ZC3H13: variants seen among roughly 807,000 people sequenced by gnomAD.
ZC3H13 encodes zinc finger CCCH-type containing 13.
In ZC3H13, 64 loss-of-function variants were observed where a neutral mutation model predicts 204.1. The ratio of observed to expected loss-of-function variants is 0.31; its 90% CI spans 0.26 to 0.39. ZC3H13 has a LOEUF of 0.39. ZC3H13 is among the 10% of genes least tolerant of loss of function. The pLI is 1.00. For missense variants in ZC3H13, 1,833 were observed against 2,082.7 expected (o/e 0.88, Z 2.33); for synonymous variants, 667 against 693.7 (o/e 0.96, Z 0.60).
At chr13:45,997,407 G>A (rs757631633) in intron 8 of ZC3H13, among the ~76,000 whole-genome samples, 1 of 152,008 alleles carries the variant, frequency 6.6e-6, no homozygotes, top group Non-Finnish European at 1.5e-5. Flanking sequence ...TTTGGAGAAG[G>A]GAAAATCATG....
chr13:46,051,875 A>G (rs2044452721), intron 1 of ZC3H13: 1 of 150,974 alleles, frequency 6.6e-6, no homozygotes, highest in Non-Finnish European at 1.5e-5. Context: ...CGCCAAACAG[A>G]CTCTCTTCTT....
intron 4 of ZC3H13, among the ~76,000 whole-genome samples, chr13:46,038,345 G>A (rs539131484): frequency 6.6e-6 from 1 of 152,238 alleles, no homozygotes; most frequent in East Asian, 1.9e-4. Flanking sequence ...TCCCTGAAGA[G>A]GTCCCTGGTT....
chr13:46,006,497 T>C (rs1388359764), intron 7 of ZC3H13, among the ~76,000 whole-genome samples: 1 of 151,656 alleles, frequency 6.6e-6, no homozygotes, highest in East Asian at 1.9e-4. Context: ...TGTTCCTGTT[T>C]ACTGTATTAA....
In ZC3H13 at chr13:45,977,002, C is replaced by G. The variant is rs577925961; in HGVS notation, c.1913-1164G>C. Among the ~76,000 whole-genome samples the G allele has an allele frequency of 3.3e-5, 5 of 152,094 alleles. No individual in the cohort carries two copies. In the South Asian group the frequency reaches 1.0e-3, roughly 32 times the overall value. The stretch of plus-strand genomic sequence containing the variant: ...CTTTACTATTTTAGAGGTTATAGAC[C>G]CAGATACAAATGATCATAGCATTTT... On this transcript the variant is annotated intron_variant, in intron 11 of 18. Transcript: ENST00000679008.
chr13:46,037,370 T>C (rs1344643485), intron 4 of ZC3H13, among the ~76,000 whole-genome samples: 2 of 152,196 alleles, frequency 1.3e-5, no homozygotes, highest in East Asian at 3.8e-4. Flanking sequence ...TGACAAATTA[T>C]CTAATTCTTT....
At chr13:46,048,369 A>G (rs1238696072) in intron 1 of ZC3H13, among the ~76,000 whole-genome samples, 1 of 151,924 alleles carries the variant, frequency 6.6e-6, no homozygotes, top group Non-Finnish European at 1.5e-5. Context: ...CGAAGTCAGG[A>G]GATCGAGACC....
chr13:45,987,105 T>C (rs1177511017), intron 9 of ZC3H13, among the ~76,000 whole-genome samples: 2 of 152,218 alleles, frequency 1.3e-5, no homozygotes, highest in Non-Finnish European at 2.9e-5. Context: ...CGCCCATCTG[T>C]CTTTACAAAT....
In ZC3H13 at chr13:45,969,632, T is replaced by C; in HGVS notation, c.2912A>G (p.Lys971Arg). 7 of 1,609,688 alleles carry C rather than the reference T, an allele frequency of 4.3e-6. No homozygotes were observed. Among genetic ancestry groups the C allele is most frequent in the Non-Finnish European group, 5.9e-6 (7 of 1,179,112 alleles). The part of the protein sequence containing the change: ...KIQKKPIKKK[K>R]EDDVGIERGN... ...CCTCTCTATTCCAACATCATCCTCT[T>C]TCTTTTTCTTAATTGGTTTCTTTTG... is the stretch of plus-strand genomic sequence containing the variant. The change falls in exon 14 of 19, where the codon AAA becomes AGA. Residue 971 changes from lysine (K) to arginine (R), a missense_variant. By Grantham distance (26) the Lys-to-Arg change is conservative. This residue lies in a region of ZC3H13 where 1,574 missense variants were observed against 1,757.2 expected (regional missense o/e 0.90). Transcript: ENST00000679008.
intron 4 of ZC3H13, among the ~76,000 whole-genome samples, chr13:46,029,982 T>C (rs1256936432): frequency 6.6e-6 from 1 of 152,100 alleles, no homozygotes; most frequent in Non-Finnish European, 1.5e-5. Flanking sequence ...ATTTTAAAAG[T>C]CAAACTTAAT....
intron 11 of ZC3H13, among the ~76,000 whole-genome samples, chr13:45,977,542 T>C (rs978523631): frequency 2.0e-5 from 3 of 152,190 alleles, no homozygotes; most frequent in African/African-American, 7.2e-5. Context: ...GATGTGCTTC[T>C]ACTTACATAT....
intron 15 of ZC3H13, among the ~76,000 whole-genome samples, chr13:45,967,282 C>T (rs1176459719): frequency 1.3e-5 from 2 of 151,994 alleles, no homozygotes; most frequent in African/African-American, 2.4e-5. Flanking sequence ...TTTATGTGAA[C>T]CAAATCTGCC....
intron 5 of ZC3H13, among the ~76,000 whole-genome samples, chr13:46,016,771 C>T (rs2041934438): frequency 6.6e-6 from 1 of 152,018 alleles, no homozygotes; most frequent in African/African-American, 2.4e-5. Flanking sequence ...ATTATTCTTG[C>T]TTTAAAGTGG....
In ZC3H13 at chr13:45,967,965, T is replaced by C. The variant is rs201670257; in HGVS notation, c.3860A>G (p.His1287Arg). Residue 1287 changes from histidine to arginine, a missense_variant, in exon 15 of 19, where the codon CAT becomes CGT. By Grantham distance (29) the His-to-Arg change is conservative. This residue lies in a region of ZC3H13 where 1,574 missense variants were observed against 1,757.2 expected (regional missense o/e 0.90). Transcript: ENST00000679008. ...GCTATCAAATGACCCAGATCTTGAA[T>C]GGACCTGTCGATCTGACTCTGGAGA... ...RSSPESDRQV[H>R]SRSGSFDSRD... is the part of the protein sequence containing the mutation. 4 of 1,613,898 alleles carry C rather than the reference T, an allele frequency of 2.5e-6. No individual in the cohort carries two copies. Among genetic ancestry groups the C allele is most frequent in the Non-Finnish European group, 8.5e-7 (1 of 1,179,896 alleles).
intron 1 of ZC3H13, among the ~76,000 whole-genome samples, chr13:46,047,238 T>C (rs1342449744): frequency 1.3e-5 from 2 of 152,158 alleles, no homozygotes; most frequent in African/African-American, 4.8e-5. Context: ...AAGGAAAATA[T>C]GAAATAATAT....
intron 8 of ZC3H13, 64 bp from the exon 9 acceptor site, chr13:45,989,161 ATCTTT>A: frequency 2.0e-6 from 3 of 1,471,882 alleles, no homozygotes; most frequent in Admixed American, 2.2e-5. Flanking sequence ...CCAAAGGAAA[ATCTTT>A]AAAAACAAAA....
intron 5 of ZC3H13, among the ~76,000 whole-genome samples, chr13:46,013,542 C>G (rs143308401): frequency 1.4e-3 from 214 of 152,220 alleles, no homozygotes; most frequent in African/African-American, 5.0e-3. Context: ...AATAAAAACT[C>G]AGATATTTTC....
At chr13:45,989,434 T>TA (rs1322885418) in intron 8 of ZC3H13, among the ~76,000 whole-genome samples, 3 of 152,130 alleles carry the variant, frequency 2.0e-5, no homozygotes, top group Non-Finnish European at 2.9e-5. Flanking sequence ...AACAAATACT[T>TA]AGAGGGAGAA....
At position 45,988,951 on chromosome 13, in the gene ZC3H13, G is replaced by C. The variant is rs2039765916; in HGVS notation, c.1091C>G (p.Thr364Ser). The change falls in exon 9 of 19, where the codon ACT becomes AGT. Residue 364 changes from threonine (T) to serine (S), a missense_variant. Coordinates refer to ENST00000679008, the MANE Select transcript of ZC3H13 (RefSeq NM_001330564.2). Reference protein sequence around the residue: ...TPSPSYQRTLTPPLRRSASPY... With the variant: ...TPSPSYQRTLSPPLRRSASPY... ...AGAGGCAGAGCGTCGTAAAGGTGGAGTTAGTGTCCGCTGATAAGATGGTGA... is the reference window on the plus strand; with the variant it reads ...AGAGGCAGAGCGTCGTAAAGGTGGACTTAGTGTCCGCTGATAAGATGGTGA... 1 of 1,613,992 alleles carries C rather than the reference G, an allele frequency of 6.2e-7. No homozygotes were observed. Among genetic ancestry groups the C allele is most frequent in the African/African-American group, 1.3e-5 (1 of 74,910 alleles).
At chr13:46,010,980 T>C (rs1214704266) in intron 6 of ZC3H13, among the ~76,000 whole-genome samples, 1 of 152,232 alleles carries the variant, frequency 6.6e-6, no homozygotes, top group Non-Finnish European at 1.5e-5. Flanking sequence ...TTTTAAGCAA[T>C]ATAACTGTCC....
Sources: gnomAD v4.1 joint callset for allele counts (sites outside exome capture counted in the v4.1 genomes callset) on GRCh38, gnomAD v4.1.1 for gene constraint, gnomAD v4.1.1 regional missense constraint, MANE v1.5 for transcripts, NCBI Gene and HGNC (gene_info 2026-07-23, HGNC 2026-07-21) for gene names.